The following TAFA1 variants were observed in gnomAD, a reference collection of about 807,000 sequenced individuals.
TAFA1 encodes the protein chemokine-like protein TAFA-1.
A neutral mutation model predicts 18.5 loss-of-function variants in TAFA1; 4 were observed. The observed-to-expected ratio is 0.22, with a 90% confidence interval of 0.11 to 0.49. The LOEUF (loss-of-function observed/expected upper bound fraction) is 0.49, where lower values mean the gene tolerates loss of function less well. Ranked by LOEUF, TAFA1 falls within the 20% of genes least tolerant of loss-of-function variation. The pLI is 0.98. For missense variants in TAFA1, 147 were observed against 169.0 expected (o/e 0.87, Z 0.72); for synonymous variants, 56 against 55.2 (o/e 1.01, Z -0.06).
intron 2 of TAFA1, among the ~76,000 whole-genome samples, chr3:68,209,202 T>A (rs977352041): frequency 3.9e-5 from 6 of 152,110 alleles, no homozygotes; most frequent in Admixed American, 2.0e-4. Flanking sequence ...GCTGACAGAT[T>A]AATTTCAGCC....
At chr3:68,112,597 A>G (rs1159484271) in intron 2 of TAFA1, among the ~76,000 whole-genome samples, 2 of 152,160 alleles carry the variant, frequency 1.3e-5, no homozygotes, top group East Asian at 1.9e-4. Context: ...TGCTATAAAC[A>G]TTATTTTTTA....
chr3:68,446,911 G>A (rs1452101491), intron 3 of TAFA1, among the ~76,000 whole-genome samples: 1 of 152,172 alleles, frequency 6.6e-6, no homozygotes, highest in Non-Finnish European at 1.5e-5. Flanking sequence ...TATCAATCCA[G>A]TGACTTCTTG....
At position 68,072,247 on chromosome 3, in the gene TAFA1, G is replaced by A. The variant is rs78844045; in HGVS notation, c.118+65503G>A. Among the ~76,000 whole-genome samples the A allele has an allele frequency of 1.7e-3, 254 of 152,268 alleles. 1 individual carries two copies. Among genetic ancestry groups the A allele is most frequent in the East Asian group, 0.015 (80 of 5,174 alleles). ...TGTGGCAATGGCAGGTGGCCTCTGC[G>A]GCAGAGCAGATATCATGAGCAACAG... On this transcript the variant is annotated intron_variant, in intron 2 of 4. Coordinates refer to ENST00000478136, the MANE Select transcript of TAFA1 (RefSeq NM_213609.4).
At position 68,381,935 on chromosome 3, in the gene TAFA1, G is replaced by A. The variant is rs934048699; in HGVS notation, c.119-35345G>A. Among the ~76,000 whole-genome samples, 5 of 152,246 alleles carry A rather than the reference G, an allele frequency of 3.3e-5. No homozygotes were observed. The South Asian group carries it at 8.3e-4, about 25-fold the overall frequency. ...TCATAGATAGCTCTTATTATTTTGA[G>A]ATACGTCCCATCAATACCTAATTTA... On this transcript the variant is annotated intron_variant, in intron 2 of 4. Transcript: ENST00000478136.
At chr3:68,207,290 T>C (rs2066539942) in intron 2 of TAFA1, among the ~76,000 whole-genome samples, 1 of 151,962 alleles carries the variant, frequency 6.6e-6, no homozygotes, top group African/African-American at 2.4e-5. Context: ...CTACACATTA[T>C]GCTTTTTAAG....
chr3:68,384,957 C>G (rs1376790236), intron 2 of TAFA1, among the ~76,000 whole-genome samples: 2 of 152,084 alleles, frequency 1.3e-5, no homozygotes, highest in Non-Finnish European at 2.9e-5. Context: ...GGTTTAAAAT[C>G]TGTTTTGTCT....
chr3:68,333,606 C>A lies in TAFA1; in HGVS notation c.119-83674C>A, dbSNP rs1458771607. Reference sequence around the variant, plus strand: ...CCTATATAAAAAACCTGCACATGTACCCCTGAACCTAAAATAACAGTTTTT... The same window carrying A: ...CCTATATAAAAAACCTGCACATGTAACCCTGAACCTAAAATAACAGTTTTT... On this transcript the variant is annotated intron_variant, in intron 2 of 4. Transcript: ENST00000478136. Among the ~76,000 whole-genome samples the A allele has an allele frequency of 3.3e-5, 5 of 152,222 alleles. No individual in the cohort carries two copies. In the South Asian group the frequency reaches 6.2e-4, roughly 19 times the overall value.
At chr3:68,246,589 C>CAAAAAAAAAAAAAAAAAAAAAAAAAA (rs63748968) in intron 2 of TAFA1, among the ~76,000 whole-genome samples, 1 of 55,372 alleles carries the variant, frequency 1.8e-5, no homozygotes, top group Non-Finnish European at 3.3e-5. Flanking sequence ...GACTCCGTCT[C>CAAAAAAAAAAAAAAAAAAAAAAAAAA]AAAAAAAAAA....
intron 3 of TAFA1, among the ~76,000 whole-genome samples, chr3:68,440,289 C>A (rs1355760073): frequency 6.6e-6 from 1 of 152,164 alleles, no homozygotes; most frequent in Admixed American, 6.5e-5. Context: ...GCCTCCCCAG[C>A]CACACAGAAC....
At chr3:68,195,093 G>A (rs1247531597) in intron 2 of TAFA1, among the ~76,000 whole-genome samples, 1 of 151,464 alleles carries the variant, frequency 6.6e-6, no homozygotes, top group African/African-American at 2.4e-5. Flanking sequence ...CTGAATGTAT[G>A]CTTGAAGAGG....
chr3:68,519,436 C>G (rs189147919), intron 3 of TAFA1, among the ~76,000 whole-genome samples: 1 of 152,168 alleles, frequency 6.6e-6, no homozygotes, highest in Non-Finnish European at 1.5e-5. Flanking sequence ...TATAATATCC[C>G]AAATGGACAA....
chr3:67,995,544 T>C, the TAFA1 span, among the ~76,000 whole-genome samples: 7,832 of 152,186 alleles, frequency 0.051, 282 homozygotes, highest in African/African-American at 0.077. Context: ...TCTAAACTTG[T>C]AACTGTTAGA....
chr3:68,124,177 T>C (rs2065437071), intron 2 of TAFA1, among the ~76,000 whole-genome samples: 3 of 152,232 alleles, frequency 2.0e-5, no homozygotes. Flanking sequence ...AAGTTTTAAA[T>C]GTGCTGGCTG....
intron 2 of TAFA1, among the ~76,000 whole-genome samples, chr3:68,072,994 A>C (rs1172201589): frequency 6.6e-6 from 1 of 152,246 alleles, no homozygotes; most frequent in Non-Finnish European, 1.5e-5. Context: ...CCTAAAAAGG[A>C]AGAATGTACT....
At chr3:68,268,598 G>A (rs2067593940) in intron 2 of TAFA1, among the ~76,000 whole-genome samples, 1 of 152,156 alleles carries the variant, frequency 6.6e-6, no homozygotes, top group South Asian at 2.1e-4. Flanking sequence ...GAAAAGAATG[G>A]ATGAATAGTG....
intron 2 of TAFA1, among the ~76,000 whole-genome samples, chr3:68,412,809 T>C (rs1377158666): frequency 6.6e-6 from 1 of 152,158 alleles, no homozygotes; most frequent in African/African-American, 2.4e-5. Context: ...CAAGTCTTTG[T>C]TATTGTGAAT....
intron 2 of TAFA1, among the ~76,000 whole-genome samples, chr3:68,294,278 C>G (rs1306964177): frequency 6.6e-6 from 1 of 152,014 alleles, no homozygotes; most frequent in Non-Finnish European, 1.5e-5. Context: ...TTTCATGTAG[C>G]CACATTTTAA....
intron 2 of TAFA1, among the ~76,000 whole-genome samples, chr3:68,270,053 A>G (rs2067632940): frequency 6.6e-6 from 1 of 152,154 alleles, no homozygotes; most frequent in African/African-American, 2.4e-5. Context: ...GCTGCAGGAA[A>G]CCACATCCAA....
chr3:68,452,733 T>C (rs1256119889), intron 3 of TAFA1, among the ~76,000 whole-genome samples: 1 of 152,188 alleles, frequency 6.6e-6, no homozygotes, highest in Non-Finnish European at 1.5e-5. Context: ...ATGTGTGAAA[T>C]TGATTGTAAA....
Sources: gnomAD v4.1 joint callset for allele counts (sites outside exome capture counted in the v4.1 genomes callset) on GRCh38, gnomAD v4.1.1 for gene constraint, MANE v1.5 for transcripts, NCBI Gene and HGNC (gene_info 2026-07-23, HGNC 2026-07-21) for gene names.